Variants in FBXW11 observed in about 807,000 individuals in gnomAD.
The protein encoded by FBXW11 is F-box/WD repeat-containing protein 11.
A neutral mutation model predicts 77.6 loss-of-function variants in FBXW11; 19 were observed. That is an observed-to-expected ratio of 0.24 (90% CI 0.17 to 0.36). The LOEUF is 0.36. Among genes scored for constraint, FBXW11 ranks in the 10% least tolerant of loss-of-function variants. The probability of loss-of-function intolerance (pLI) is 1.00; values close to 1 mark genes in which losing one functional copy is unlikely to be tolerated. For synonymous variants in FBXW11, 235 were observed against 249.4 expected (o/e 0.94, Z 0.54); for missense variants, 334 against 704.2 (o/e 0.47, Z 5.95).
At chr5:171,898,691 C>T (rs575598390) in intron 6 of FBXW11, among the ~76,000 whole-genome samples, 18 of 152,122 alleles carry the variant, frequency 1.2e-4, no homozygotes, top group East Asian at 1.9e-4. Flanking sequence ...CTTAAAAAAA[C>T]GGGGCCTTGG....
At chr5:171,999,729 C>G (rs1374774673) in intron 1 of FBXW11, among the ~76,000 whole-genome samples, 2 of 152,116 alleles carry the variant, frequency 1.3e-5, no homozygotes, top group Admixed American at 1.3e-4. Flanking sequence ...CTTTCTTTTT[C>G]TTCTGTGGAT....
Position 171,874,338 on chromosome 5 carries a change from TATA to T in FBXW11, c.1222-1351_1222-1349del, listed in dbSNP as rs1757937918. ...ACCACTGCACAATCACTAGGGCAGA[TATA>T]ATAAAAGAGACAAATAATAGGAAGT... On this transcript the variant is annotated intron_variant, in intron 9 of 13. Coordinates refer to ENST00000517395, the MANE Select transcript of FBXW11 (RefSeq NM_001378974.1). 2.0e-5 allele frequency among the ~76,000 whole-genome samples: 3 copies of T among 152,224 alleles called. 1 individual carries two copies. Among genetic ancestry groups the T allele is most frequent in the South Asian group, 4.2e-4 (2 of 4,818 alleles).
intron 2 of FBXW11, among the ~76,000 whole-genome samples, chr5:171,953,326 C>T (rs943033377): frequency 3.3e-5 from 5 of 152,128 alleles, no homozygotes; most frequent in Non-Finnish European, 7.3e-5. Context: ...CTATAAAATA[C>T]TACAGATTCT....
At chr5:171,870,241 C>A (rs1333953982) in intron 11 of FBXW11, among the ~76,000 whole-genome samples, 2 of 152,044 alleles carry the variant, frequency 1.3e-5, no homozygotes, top group Non-Finnish European at 2.9e-5. Context: ...GACCAACTAA[C>A]CCATTTGGGA....
In FBXW11 at chr5:171,996,239, T is replaced by C. The variant is rs369692392; in HGVS notation, c.45+10219A>G. ...AATATTTTGACCAGGTATTAACTAT[T>C]ATATAAATCATGTGAGAATGCCTCA... is the stretch of plus-strand genomic sequence containing the variant. On this transcript the variant is annotated intron_variant, in intron 1 of 13. Coordinates refer to ENST00000517395, the MANE Select transcript of FBXW11 (RefSeq NM_001378974.1). Among the ~76,000 whole-genome samples, 8 of 152,360 alleles carry C rather than the reference T, an allele frequency of 5.3e-5. No individual in the cohort carries two copies. In the East Asian group the frequency reaches 9.6e-4, roughly 18 times the overall value.
At chr5:171,900,690 G>A (rs529972353) in intron 4 of FBXW11, among the ~76,000 whole-genome samples, 4 of 152,130 alleles carry the variant, frequency 2.6e-5, no homozygotes, top group Non-Finnish European at 5.9e-5. Context: ...AATTAAAGTC[G>A]ATTGTGCTTA....
intron 1 of FBXW11, among the ~76,000 whole-genome samples, chr5:171,964,572 T>C (rs2113369432): frequency 6.6e-6 from 1 of 152,370 alleles, no homozygotes; most frequent in East Asian, 1.9e-4. Context: ...CTGTTGCTTT[T>C]CAAGAAGCAG....
At chr5:171,915,991 A>G (rs549486471) in intron 2 of FBXW11, among the ~76,000 whole-genome samples, 27 of 152,022 alleles carry the variant, frequency 1.8e-4, no homozygotes, top group African/African-American at 6.3e-4. Flanking sequence ...TCGCAAGGAC[A>G]AAAAAACAAA....
intron 2 of FBXW11, among the ~76,000 whole-genome samples, chr5:171,926,832 C>T (rs1024333366): frequency 1.3e-5 from 2 of 152,088 alleles, no homozygotes; most frequent in African/African-American, 4.8e-5. Flanking sequence ...AATCTGTATC[C>T]TTAGCACTTA....
intron 1 of FBXW11, among the ~76,000 whole-genome samples, chr5:171,970,897 T>C (rs962555377): frequency 1.3e-5 from 2 of 152,162 alleles, no homozygotes; most frequent in Admixed American, 6.5e-5. Context: ...CTCTAAGAAA[T>C]TAATTTGTCT....
intron 6 of FBXW11, among the ~76,000 whole-genome samples, chr5:171,895,342 A>G (rs1759672551): frequency 6.6e-6 from 1 of 152,214 alleles, no homozygotes; most frequent in African/African-American, 2.4e-5. Flanking sequence ...TGGAGGAATA[A>G]CATTATTTTT....
chr5:171,874,910 C>T (rs1411165784), intron 9 of FBXW11, among the ~76,000 whole-genome samples: 1 of 150,982 alleles, frequency 6.6e-6, no homozygotes, highest in Non-Finnish European at 1.5e-5. Flanking sequence ...TGTGTTACTG[C>T]ACTCCAGCCT....
intron 4 of FBXW11, among the ~76,000 whole-genome samples, chr5:171,902,883 GC>G: frequency 6.6e-6 from 1 of 152,248 alleles, no homozygotes; most frequent in Non-Finnish European, 1.5e-5. Flanking sequence ...TTGTTTTAAA[GC>G]CATTATTCTT....
At chr5:171,950,512 C>T (rs1763250102) in intron 2 of FBXW11, among the ~76,000 whole-genome samples, 1 of 152,128 alleles carries the variant, frequency 6.6e-6, no homozygotes, top group South Asian at 2.1e-4. Flanking sequence ...GGGGACATGT[C>T]TATAACATAA....
chr5:171,989,608 C>T lies in FBXW11; in HGVS notation c.45+16850G>A, dbSNP rs148961763. ...CAAGGTTACACATCCTACAAGACAACCAGAGCTGGTCTCTTCAAACAAGTT... is the reference window on the plus strand; with the variant it reads ...CAAGGTTACACATCCTACAAGACAATCAGAGCTGGTCTCTTCAAACAAGTT... On this transcript the variant is annotated intron_variant, in intron 1 of 13. Transcript: ENST00000517395. Among the ~76,000 whole-genome samples, 302 of 152,324 alleles carry T rather than the reference C, an allele frequency of 2.0e-3. 1 individual carries two copies. The highest frequency in any genetic ancestry group is 3.4e-3 in the Middle Eastern group (1 of 294).
intron 1 of FBXW11, among the ~76,000 whole-genome samples, chr5:171,974,241 C>T (rs991115388): frequency 6.6e-6 from 1 of 152,008 alleles, no homozygotes; most frequent in Non-Finnish European, 1.5e-5. Flanking sequence ...TTGAGACCAG[C>T]CTGACCAACA....
intron 1 of FBXW11, among the ~76,000 whole-genome samples, chr5:171,968,999 GT>G (rs1444370302): frequency 1.3e-5 from 2 of 152,212 alleles, no homozygotes; most frequent in African/African-American, 4.8e-5. Context: ...GCCGGGCGTG[GT>G]GGCTCATGCC....
intron 4 of FBXW11, 51 bp from the exon 5 acceptor site, chr5:171,900,151 C>T: frequency 6.9e-7 from 1 of 1,442,800 alleles, no homozygotes; most frequent in Non-Finnish European, 9.4e-7. Context: ...TAGAAAGGTA[C>T]CAGCCATCAT....
At chr5:171,975,168 C>T (rs546123919) in intron 1 of FBXW11, among the ~76,000 whole-genome samples, 18 of 152,220 alleles carry the variant, frequency 1.2e-4, no homozygotes, top group Middle Eastern at 3.4e-3. Context: ...ACAAGACCTG[C>T]TATATTAAAA....
Sources: allele counts gnomAD v4.1 joint callset (sites outside exome capture counted in the v4.1 genomes callset), GRCh38; gene constraint gnomAD v4.1.1; transcripts MANE v1.5; gene names NCBI Gene and HGNC (gene_info 2026-07-23, HGNC 2026-07-21).